Variants in ADGRB3 observed in about 807,000 individuals in gnomAD.
The protein encoded by ADGRB3 is adhesion G protein-coupled receptor B3, also known as brain-specific angiogenesis inhibitor 3.
In ADGRB3, 37 loss-of-function variants were observed where a neutral mutation model predicts 193.4. The observed-to-expected ratio is 0.19, with a 90% CI of 0.15 to 0.25. The LOEUF is 0.25. ADGRB3 is among the 10% of genes least tolerant of loss of function. The pLI, the probability that ADGRB3 is intolerant of heterozygous loss-of-function variation, is 1.00. For synonymous variants in ADGRB3, 690 were observed against 644.2 expected (o/e 1.07, Z -1.08); for missense variants, 1,637 against 1,852.9 (o/e 0.88, Z 2.14).
intron 17 of ADGRB3, among the ~76,000 whole-genome samples, chr6:69,196,402 T>G (rs558826438): frequency 6.6e-6 from 1 of 152,134 alleles, no homozygotes; most frequent in East Asian, 1.9e-4. Flanking sequence ...GAAATTTAAT[T>G]TTTTCACACT....
chr6:69,345,648 A>C (rs6916630), intron 26 of ADGRB3, among the ~76,000 whole-genome samples: 4,527 of 152,278 alleles, frequency 0.03, 147 homozygotes, highest in African/African-American at 0.083. Context: ...AGCCAATATC[A>C]TACTGAATGG....
At chr6:68,795,620 A>C (rs1269549496) in intron 3 of ADGRB3, among the ~76,000 whole-genome samples, 12 of 152,152 alleles carry the variant, frequency 7.9e-5, no homozygotes, top group Admixed American at 7.9e-4. Flanking sequence ...GTCAAGTTTT[A>C]ATTTTTAAAA....
intron 3 of ADGRB3, among the ~76,000 whole-genome samples, chr6:68,907,851 C>A (rs1044670705): frequency 1.3e-5 from 2 of 151,844 alleles, no homozygotes; most frequent in Non-Finnish European, 2.9e-5. Context: ...GGTAGCTTTT[C>A]ATCCTTTCCA....
At chr6:68,785,787 T>C (rs1282510928) in intron 3 of ADGRB3, among the ~76,000 whole-genome samples, 1 of 152,162 alleles carries the variant, frequency 6.6e-6, no homozygotes, top group East Asian at 1.9e-4. Context: ...CATAAAAGTG[T>C]TCCTATATCT....
intron 13 of ADGRB3, among the ~76,000 whole-genome samples, chr6:69,031,206 C>T (rs1329472536): frequency 6.6e-6 from 1 of 150,690 alleles, no homozygotes; most frequent in Non-Finnish European, 1.5e-5. Flanking sequence ...TTTGGGAGGC[C>T]GAGGCGGGCG....
intron 3 of ADGRB3, among the ~76,000 whole-genome samples, chr6:68,794,508 T>C (rs756146377): frequency 6.6e-6 from 1 of 152,132 alleles, no homozygotes; most frequent in Non-Finnish European, 1.5e-5. Flanking sequence ...TGTAACATAT[T>C]GAGCTTATAT....
rs549306075 is a variant in ADGRB3, at chr6:69,078,976, G to T, written c.2480+2938G>T. 5.8e-4 allele frequency among the ~76,000 whole-genome samples: 88 copies of T among 152,094 alleles called. 1 individual carries two copies. Among genetic ancestry groups the T allele is most frequent in the African/African-American group, 1.8e-3 (76 of 41,528 alleles). ...TTTCGTAGGTACATTTTCTATCTAA[G>T]AATTATTCCCATCTCTATTTGATTT... On this transcript the variant is annotated intron_variant, in intron 17 of 31. Coordinates refer to ENST00000370598, the MANE Select transcript of ADGRB3 (RefSeq NM_001704.3).
intron 11 of ADGRB3, among the ~76,000 whole-genome samples, chr6:69,004,370 C>A (rs1769677590): frequency 6.6e-6 from 1 of 151,674 alleles, no homozygotes; most frequent in African/African-American, 2.4e-5. Flanking sequence ...ACTTGCATCC[C>A]TGGTGTCTCT....
At chr6:68,993,290 T>A (rs1444610113) in intron 10 of ADGRB3, among the ~76,000 whole-genome samples, 2 of 152,170 alleles carry the variant, frequency 1.3e-5, no homozygotes, top group African/African-American at 4.8e-5. Flanking sequence ...GTGCTGCTAA[T>A]AACTTTCTTT....
chr6:69,244,309 T>C (rs1256902191), intron 20 of ADGRB3, among the ~76,000 whole-genome samples: 1 of 152,114 alleles, frequency 6.6e-6, no homozygotes, highest in Non-Finnish European at 1.5e-5. Context: ...TTAGAAAACA[T>C]GGGCCAAACT....
intron 3 of ADGRB3, among the ~76,000 whole-genome samples, chr6:68,873,699 A>G (rs907941671): frequency 5.9e-5 from 9 of 152,148 alleles, no homozygotes; most frequent in African/African-American, 2.2e-4. Context: ...AAAGTGTACG[A>G]TATCATTACA....
At chr6:68,876,350 G>A (rs1380198105) in intron 3 of ADGRB3, among the ~76,000 whole-genome samples, 5 of 152,136 alleles carry the variant, frequency 3.3e-5, no homozygotes, top group Admixed American at 6.6e-5. Flanking sequence ...TGATCAGGCT[G>A]TGATTAATAG....
intron 30 of ADGRB3, among the ~76,000 whole-genome samples, chr6:69,376,625 T>C (rs537594485): frequency 1.3e-5 from 2 of 152,132 alleles, no homozygotes; most frequent in South Asian, 4.1e-4. Flanking sequence ...ATTAACTCAA[T>C]ATCACTACAA....
At chr6:69,058,625 T>C (rs1427227979) in intron 15 of ADGRB3, among the ~76,000 whole-genome samples, 2 of 152,162 alleles carry the variant, frequency 1.3e-5, no homozygotes, top group African/African-American at 4.8e-5. Flanking sequence ...CTCACATATG[T>C]TATGTGGTAT....
intron 3 of ADGRB3, among the ~76,000 whole-genome samples, chr6:68,716,208 T>C (rs973410925): frequency 1.3e-5 from 2 of 151,762 alleles, no homozygotes; most frequent in Non-Finnish European, 2.9e-5. Flanking sequence ...TGTAAATGTC[T>C]GGGAATACCT....
intron 17 of ADGRB3, among the ~76,000 whole-genome samples, chr6:69,226,381 C>T (rs548377018): frequency 2.2e-4 from 33 of 152,252 alleles, no homozygotes; most frequent in Non-Finnish European, 4.6e-4. Flanking sequence ...ATTTATTCAA[C>T]CAATATTTAT....
chr6:68,696,113 A>T (rs1765153298), intron 3 of ADGRB3, among the ~76,000 whole-genome samples: 3 of 152,018 alleles, frequency 2.0e-5, no homozygotes, highest in Admixed American at 6.6e-5. Context: ...AAATCCCGTT[A>T]TCAATGGTTT....
intron 20 of ADGRB3, among the ~76,000 whole-genome samples, chr6:69,316,428 T>G (rs2127303079): frequency 6.6e-6 from 1 of 151,596 alleles, no homozygotes; most frequent in East Asian, 1.9e-4. Context: ...CACACAATCA[T>G]ATATTGACAC....
chr6:68,897,670 GAAGGGAAAAAGAAAGAGAAAC>G (rs1453722037), intron 3 of ADGRB3, among the ~76,000 whole-genome samples: 1 of 118,768 alleles, frequency 8.4e-6, no homozygotes, highest in African/African-American at 3.3e-5. Context: ...AGGAAAGAAA[GAAGGGAAAAAGAAAGAGAAAC>G]AGAAAGAAGA....
Sources: gnomAD v4.1 joint callset for allele counts (sites outside exome capture counted in the v4.1 genomes callset) on GRCh38, gnomAD v4.1.1 for gene constraint, MANE v1.5 for transcripts, NCBI Gene and HGNC (gene_info 2026-07-23, HGNC 2026-07-21) for gene names.